NFATC1: variants seen among roughly 807,000 people sequenced by gnomAD.
NFATC1 encodes the protein nuclear factor of activated T cells 1.
Under a neutral mutation model 76.0 loss-of-function variants are expected in NFATC1, and 22 were observed. That is an observed-to-expected ratio of 0.29 (90% confidence interval 0.21 to 0.41). The LOEUF (loss-of-function observed/expected upper bound fraction) is 0.41, where lower values mean the gene tolerates loss of function less well. Among genes scored for constraint, NFATC1 ranks in the 10% least tolerant of loss-of-function variants. NFATC1 has a pLI of 1.00. For missense variants in NFATC1, 1,357 were observed against 1,337.7 expected, an observed-to-expected ratio of 1.01 and a Z score of -0.23; for synonymous variants, 704 against 613.1, an observed-to-expected ratio of 1.15 and a Z score of -2.19.
intron 2 of NFATC1, among the ~76,000 whole-genome samples, chr18:79,432,660 G>T (rs902287754): frequency 1.3e-5 from 2 of 152,232 alleles, no homozygotes; most frequent in East Asian, 1.9e-4. Flanking sequence ...CTTGCACAGG[G>T]TGGAAGGTGG....
intron 8 of NFATC1, among the ~76,000 whole-genome samples, chr18:79,476,522 C>T (rs992324210): frequency 5.9e-5 from 9 of 152,248 alleles, no homozygotes; most frequent in Admixed American, 4.6e-4. Flanking sequence ...GCCCCACTTG[C>T]GCTTCCCCTC....
chr18:79,504,754 GGA>G (rs1455878788), intron 9 of NFATC1, among the ~76,000 whole-genome samples: 1 of 151,744 alleles, frequency 6.6e-6, no homozygotes, highest in Non-Finnish European at 1.5e-5. Context: ...GCGCAGCTCT[GGA>G]GACAGGAGAC....
chr18:79,502,217 T>C (rs966059027), intron 9 of NFATC1, among the ~76,000 whole-genome samples: 1 of 152,220 alleles, frequency 6.6e-6, no homozygotes. Context: ...GGTAAATTGA[T>C]TTTTTGACAA....
intron 1 of NFATC1, among the ~76,000 whole-genome samples, chr18:79,407,008 C>T (rs530525584): frequency 6.6e-6 from 1 of 152,370 alleles, no homozygotes; most frequent in East Asian, 1.9e-4. Context: ...AGGGGCTTTG[C>T]ACGGGCCACG....
intron 3 of NFATC1, among the ~76,000 whole-genome samples, chr18:79,446,940 G>A (rs2087230784): frequency 2.0e-5 from 3 of 152,208 alleles, no homozygotes; most frequent in Non-Finnish European, 4.4e-5. Flanking sequence ...CGATGTCTCA[G>A]CTGGGACCTG....
chr18:79,498,494 C>CAGAAAGA (rs2089947773), intron 9 of NFATC1: 1 of 151,686 alleles, frequency 6.6e-6, no homozygotes, highest in Admixed American at 6.6e-5. Flanking sequence ...GACTGAGGAA[C>CAGAAAGA]AGAAAGAAGA....
At chr18:79,427,467 G>C (rs1383104415) in intron 2 of NFATC1, among the ~76,000 whole-genome samples, 1 of 99,126 alleles carries the variant, frequency 1.0e-5, no homozygotes, top group East Asian at 3.0e-4. Flanking sequence ...TGCGGTGGGT[G>C]GGGGCTGTAC....
At chr18:79,436,713 G>A (rs1160246988) in intron 3 of NFATC1, among the ~76,000 whole-genome samples, 1 of 152,202 alleles carries the variant, frequency 6.6e-6, no homozygotes, top group Non-Finnish European at 1.5e-5. Context: ...GCTCTTACTT[G>A]TGGGTGCTGA....
At chr18:79,469,273 G>C in intron 8 of NFATC1, 1 of 963,106 alleles carries the variant, frequency 1.0e-6, no homozygotes, top group Non-Finnish European at 1.2e-6. Context: ...GCCTTATAGA[G>C]AAGGATTGCT....
intron 9 of NFATC1, among the ~76,000 whole-genome samples, chr18:79,518,416 C>T (rs1004072249): frequency 6.6e-6 from 1 of 152,306 alleles, no homozygotes; most frequent in East Asian, 1.9e-4. Context: ...GGCGATGGAG[C>T]CCCCGGGCCC....
At chr18:79,478,117 GC>G (rs35589244) in intron 8 of NFATC1, among the ~76,000 whole-genome samples, 8,360 of 87,326 alleles carry the variant, frequency 0.096, 337 homozygotes, top group African/African-American at 0.16. Flanking sequence ...TTGCCCCCAG[GC>G]CCCCCCCCGC....
chr18:79,499,105 C>A (rs1263509999), intron 9 of NFATC1, among the ~76,000 whole-genome samples: 1 of 152,204 alleles, frequency 6.6e-6, no homozygotes, highest in East Asian at 1.9e-4. Context: ...TTAAACTTTT[C>A]TTCTCTGAAC....
At chr18:79,510,698 C>T (rs1660139) in intron 9 of NFATC1, among the ~76,000 whole-genome samples, 82,610 of 152,138 alleles carry the variant, frequency 0.54, 25,889 homozygotes, top group Non-Finnish European at 0.71. Context: ...TGGGAGCGGT[C>T]GGTTGATAGA....
Position 79,410,870 on chromosome 18 carries a change from TC to T in NFATC1, c.601del (p.Gln201ArgfsTer95). On this transcript the variant is annotated frameshift_variant, in exon 2 of 10. Transcript: ENST00000427363. LOFTEE classifies it high-confidence loss of function. This position sits in a 1 kb window ranked among gnomAD's most constrained non-coding sequence, Gnocchi z 6.7. ...GTCCAACTACTCGTACCCGTACGCG[TC>T]CCCCCAGACGTCGCCATGGCAGTCT... ...YESNYSYPYASPQTSPWQSPC... is the reference protein window; with the variant it reads ...YESNYSYPYAXPQTSPWQSPC... 6.2e-7 allele frequency: 1 copy of T among 1,608,524 alleles called. No homozygotes were observed. Among genetic ancestry groups the T allele is most frequent in the Non-Finnish European group, 8.5e-7 (1 of 1,178,298 alleles).
At chr18:79,514,976 C>G (rs908709581) in intron 9 of NFATC1, among the ~76,000 whole-genome samples, 1 of 151,698 alleles carries the variant, frequency 6.6e-6, no homozygotes, top group Non-Finnish European at 1.5e-5. Context: ...CCTGGGAGGT[C>G]GAGGCTGCAG....
intron 6 of NFATC1, among the ~76,000 whole-genome samples, chr18:79,460,748 C>T (rs767831063): frequency 5.3e-5 from 8 of 152,178 alleles, no homozygotes; most frequent in Non-Finnish European, 1.2e-4. Context: ...GACCCCAGCA[C>T]GAGCAGGCGT....
At chr18:79,400,255 CGGGGGGCGGGG>C in intron 1 of NFATC1, 1 of 1,030,370 alleles carries the variant, frequency 9.7e-7, no homozygotes, top group Non-Finnish European at 1.2e-6. Context: ...GGAAACGCCC[CGGGGGGCGGGG>C]GCGGGGCGGG....
chr18:79,425,162 T>C (rs1475103143), intron 2 of NFATC1, among the ~76,000 whole-genome samples: 3 of 151,830 alleles, frequency 2.0e-5, no homozygotes, highest in Non-Finnish European at 2.9e-5. Context: ...TCTCCGTCTC[T>C]GTCTCTCCAT....
intron 2 of NFATC1, among the ~76,000 whole-genome samples, chr18:79,428,496 C>A (rs927706870): frequency 6.6e-6 from 1 of 152,150 alleles, no homozygotes; most frequent in African/African-American, 2.4e-5. Context: ...AGTGGTTCTG[C>A]GCTCAGGGCA....
Sources: gnomAD v4.1 joint callset for allele counts (sites outside exome capture counted in the v4.1 genomes callset) on GRCh38, gnomAD v4.1.1 for gene constraint, Gnocchi (gnomAD v3.1) non-coding constraint, MANE v1.5 for transcripts, NCBI Gene and HGNC (gene_info 2026-07-23, HGNC 2026-07-21) for gene names.